VIRMA: variants seen among roughly 807,000 people sequenced by gnomAD.
VIRMA encodes protein virilizer homolog.
A neutral mutation model predicts 182.4 loss-of-function variants in VIRMA; 65 were observed. The observed-to-expected ratio is 0.36, with a 90% CI of 0.29 to 0.44. The LOEUF is 0.44. Ranked by LOEUF, VIRMA falls within the 20% of genes least tolerant of loss-of-function variation. The probability of loss-of-function intolerance (pLI) is 1.00; values close to 1 mark genes in which losing one functional copy is unlikely to be tolerated. For synonymous variants in VIRMA, 709 were observed against 743.1 expected, an observed-to-expected ratio of 0.95 and a Z score of 0.75; for missense variants, 1,752 against 2,158.1, an observed-to-expected ratio of 0.81 and a Z score of 3.73.
chr8:94,538,794 A>C (rs1284855997), intron 2 of VIRMA, among the ~76,000 whole-genome samples: 3 of 152,022 alleles, frequency 2.0e-5, no homozygotes, highest in Non-Finnish European at 4.4e-5. Context: ...TTGTATTTTT[A>C]GTAGAAATGG....
chr8:94,528,813 A>AG (rs1815057622), intron 7 of VIRMA, among the ~76,000 whole-genome samples: 1 of 152,238 alleles, frequency 6.6e-6, no homozygotes, highest in Admixed American at 6.5e-5. Context: ...CTCATACTGT[A>AG]GCAAGTCAAA....
At chr8:94,517,970 T>C (rs774673197) in intron 9 of VIRMA, 28 bp from the exon 10 acceptor site, 4 of 1,574,856 alleles carry the variant, frequency 2.5e-6, no homozygotes, top group South Asian at 2.3e-5. Flanking sequence ...TTTTAAGTTT[T>C]GGATACAAAA....
intron 15 of VIRMA, among the ~76,000 whole-genome samples, chr8:94,508,949 A>C (rs536834136): frequency 1.3e-5 from 2 of 152,346 alleles, no homozygotes; most frequent in East Asian, 3.9e-4. Context: ...ATGAAACTAT[A>C]AACTGGAAGT....
Position 94,538,349 on chromosome 8 carries a change from G to A in VIRMA, c.180-3C>T. ...GAAATGTATGGGGAGATGTCTCTCT[G>A]TAAATGAAACAAAGTTGAAACATCA... On this transcript the variant is annotated splice_region_variant and splice_polypyrimidine_tract_variant and intron_variant, in intron 2 of 23. Transcript: ENST00000297591. 2 of 1,587,766 alleles carry A rather than the reference G, an allele frequency of 1.3e-6. No homozygotes were observed. Among genetic ancestry groups the A allele is most frequent in the Non-Finnish European group, 1.7e-6 (2 of 1,156,966 alleles).
At chr8:94,500,431 A>G (rs1813930385) in intron 16 of VIRMA, among the ~76,000 whole-genome samples, 1 of 152,146 alleles carries the variant, frequency 6.6e-6, no homozygotes, top group Non-Finnish European at 1.5e-5. Flanking sequence ...TGGAAAAAGC[A>G]TGGGTTCAAA....
chr8:94,498,989 G>A (rs1813879681), intron 17 of VIRMA: 1 of 152,956 alleles, frequency 6.5e-6, no homozygotes, highest in Admixed American at 6.5e-5. Context: ...ACTGAGGCAG[G>A]AGAATCACTT....
At chr8:94,540,975 TTA>T (rs1364744542) in intron 2 of VIRMA, among the ~76,000 whole-genome samples, 1 of 152,028 alleles carries the variant, frequency 6.6e-6, no homozygotes, top group Non-Finnish European at 1.5e-5. Flanking sequence ...ACATAAGGTA[TTA>T]TATTTACAAA....
In VIRMA at chr8:94,488,752, C is replaced by T. The variant is rs756659134; in HGVS notation, c.5393G>A (p.Ser1798Asn). Reference protein sequence around the residue: ...GSGGSRGKFVSGGSGRGRHVR... With the variant: ...GSGGSRGKFVNGGSGRGRHVR... Reference sequence around the variant, plus strand: ...ATGACGACCTCTACCACTGCCTCCACTAACAAACTTTCCTCTTGAGCCTCC... The same window carrying T: ...ATGACGACCTCTACCACTGCCTCCATTAACAAACTTTCCTCTTGAGCCTCC... The change falls in exon 24 of 24, where the codon AGT becomes AAT. Residue 1798 changes from serine (S) to asparagine (N), a missense_variant. By Grantham distance (46) the Ser-to-Asn change is conservative. Around this residue, in one of 11 missense-constraint regions of VIRMA, gnomAD observed 132 missense variants for 173.8 expected, o/e 0.76. Transcript: ENST00000297591. The T allele has an allele frequency of 3.1e-6, 5 of 1,614,226 alleles. No homozygotes were observed. Among genetic ancestry groups the T allele is most frequent in the South Asian group, 1.1e-5 (1 of 91,088 alleles).
chr8:94,497,362 C>T (rs1002955697), intron 17 of VIRMA: 2 of 152,186 alleles, frequency 1.3e-5, no homozygotes, highest in Admixed American at 6.6e-5. Flanking sequence ...CTCAACCTCC[C>T]AAAATGCTGA....
intron 1 of VIRMA, among the ~76,000 whole-genome samples, chr8:94,545,263 T>C (rs1815721296): frequency 6.6e-6 from 1 of 152,232 alleles, no homozygotes; most frequent in Admixed American, 6.5e-5. Flanking sequence ...AGTTTTCAAA[T>C]TGTTTTTGGA....
intron 4 of VIRMA, among the ~76,000 whole-genome samples, chr8:94,535,970 G>A (rs1159267755): frequency 6.6e-6 from 1 of 152,116 alleles, no homozygotes; most frequent in African/African-American, 2.4e-5. Context: ...AATTATGAGA[G>A]CAGATATTGT....
chr8:94,516,638 T>A (rs1814569318), intron 10 of VIRMA, among the ~76,000 whole-genome samples: 1 of 152,160 alleles, frequency 6.6e-6, no homozygotes. Context: ...ATATAGAATA[T>A]ATAGCTCAAA....
At chr8:94,543,401 CAAA>C (rs1162030319) in intron 2 of VIRMA, among the ~76,000 whole-genome samples, 2 of 43,192 alleles carry the variant, frequency 4.6e-5, no homozygotes, top group Non-Finnish European at 1.0e-4. Context: ...AACTCCATCT[CAAA>C]AAAAAAAAAA....
intron 8 of VIRMA, among the ~76,000 whole-genome samples, chr8:94,521,451 A>AT (rs908536828): frequency 6.6e-6 from 1 of 152,174 alleles, no homozygotes; most frequent in Non-Finnish European, 1.5e-5. Context: ...AAAACATCGT[A>AT]TTTTTTCAAA....
chr8:94,515,056 C>A, intron 10 of VIRMA, 105 bp from the exon 11 acceptor site: 5 of 536,542 alleles, frequency 9.3e-6, no homozygotes, highest in Non-Finnish European at 1.3e-5. Flanking sequence ...ATGTTGATTT[C>A]AATCATCTAA....
In VIRMA at chr8:94,500,719, C is replaced by T. The variant is rs546776308; in HGVS notation, c.4098-1213G>A. Among the ~76,000 whole-genome samples, 7 of 149,822 alleles carry T rather than the reference C, an allele frequency of 4.7e-5. No homozygotes were observed. The East Asian group carries it at 7.9e-4, about 17-fold the overall frequency. On this transcript the variant is annotated intron_variant, in intron 16 of 23. Coordinates refer to ENST00000297591, the MANE Select transcript of VIRMA (RefSeq NM_015496.5). ...TTCTTTTAAGGTTAAACACACACAC[C>T]TATCATACAACCCAGTAACCCCACT...
chr8:94,516,902 T>C (rs973993924), intron 10 of VIRMA, among the ~76,000 whole-genome samples: 1 of 152,158 alleles, frequency 6.6e-6, no homozygotes, highest in African/African-American at 2.4e-5. Context: ...CAATATTTAC[T>C]CAACGTTATC....
intron 16 of VIRMA, among the ~76,000 whole-genome samples, chr8:94,506,009 A>T (rs554526705): frequency 2.6e-5 from 4 of 152,248 alleles, no homozygotes; most frequent in Non-Finnish European, 5.9e-5. Context: ...ATTAGGTATT[A>T]TAAGTAATCT....
chr8:94,514,807 G>T, intron 11 of VIRMA, 62 bp downstream of exon 11: 1 of 797,000 alleles, frequency 1.3e-6, no homozygotes, highest in Non-Finnish European at 2.1e-6. Context: ...ATTCAATGCA[G>T]TATCACCATG....
Sources: allele counts gnomAD v4.1 joint callset (sites outside exome capture counted in the v4.1 genomes callset), GRCh38; gene constraint gnomAD v4.1.1; regional missense constraint gnomAD v4.1.1; transcripts MANE v1.5; gene names NCBI Gene and HGNC (gene_info 2026-07-23, HGNC 2026-07-21).